KCNC4: variants seen among roughly 807,000 people sequenced by gnomAD.
KCNC4 encodes potassium voltage-gated channel subfamily C member 4, also known as voltage-gated potassium channel KCNC4.
KCNC4 carries 23 observed loss-of-function variants against 42.8 expected under a neutral mutation model. The observed-to-expected ratio is 0.54, with a 90% CI of 0.39 to 0.76. The LOEUF (loss-of-function observed/expected upper bound fraction) is 0.76, where lower values mean the gene tolerates loss of function less well. KCNC4 is among the 30% of genes least tolerant of loss of function. The pLI is 0.00. For synonymous variants in KCNC4, 422 were observed against 393.5 expected, an observed-to-expected ratio of 1.07 and a Z score of -0.86; for missense variants, 751 against 898.2, an observed-to-expected ratio of 0.84 and a Z score of 2.10.
At chr1:110,271,330 AG>A (rs1659631309) in intron 1 of KCNC4, among the ~76,000 whole-genome samples, 1 of 152,190 alleles carries the variant, frequency 6.6e-6, no homozygotes, top group Non-Finnish European at 1.5e-5. Flanking sequence ...CTCTTTATAC[AG>A]GGGAGAGATC....
chr1:110,215,883 C>CGAG (rs1399039532), intron 1 of KCNC4, among the ~76,000 whole-genome samples: 1 of 152,226 alleles, frequency 6.6e-6, no homozygotes, highest in Admixed American at 6.5e-5. Flanking sequence ...TGTGCTCCTC[C>CGAG]TATGGCCTCT....
chr1:110,276,264 T>TA (rs1214541481), intron 1 of KCNC4, among the ~76,000 whole-genome samples: 22 of 104,716 alleles, frequency 2.1e-4, no homozygotes, highest in African/African-American at 7.3e-4. Context: ...TATATCCATG[T>TA]AAAAAAAGCT....
intron 1 of KCNC4, among the ~76,000 whole-genome samples, chr1:110,257,441 T>C (rs939339909): frequency 6.8e-6 from 1 of 146,386 alleles, no homozygotes; most frequent in Non-Finnish European, 1.5e-5. Flanking sequence ...AGGGACCGGG[T>C]GCGGTGGCTC....
intron 1 of KCNC4, among the ~76,000 whole-genome samples, chr1:110,264,856 C>T (rs759212056): frequency 2.6e-5 from 4 of 152,178 alleles, no homozygotes; most frequent in East Asian, 3.9e-4. Context: ...CCAAGACAGG[C>T]GGATGGCTTA....
At chr1:110,263,827 G>C (rs115590316) in intron 1 of KCNC4, among the ~76,000 whole-genome samples, 6 of 151,828 alleles carry the variant, frequency 4.0e-5, no homozygotes, top group South Asian at 2.1e-4. Flanking sequence ...TCAGTGAGGG[G>C]GGGGAGCTGA....
exon 3 of KCNC4, chr1:110,283,050 G>A (rs561630454): frequency 6.6e-6 from 1 of 152,402 alleles, no homozygotes; most frequent in Admixed American, 6.5e-5. Flanking sequence ...GCTTCTGTGT[G>A]GGCTTTCTTG....
exon 4 of KCNC4, chr1:110,247,562 T>TTTTC (rs1557869842): frequency 2.0e-5 from 3 of 148,322 alleles, no homozygotes; most frequent in Non-Finnish European, 4.5e-5. Context: ...TTTCTTTTTT[T>TTTTC]TTTTTTTTTT....
intron 1 of KCNC4, among the ~76,000 whole-genome samples, chr1:110,268,346 G>A (rs984575179): frequency 5.9e-5 from 9 of 152,144 alleles, no homozygotes; most frequent in Admixed American, 2.0e-4. Context: ...CGTGGCTCAC[G>A]CCTGTAATCC....
At chr1:110,267,516 T>C (rs1374995356) in intron 1 of KCNC4, among the ~76,000 whole-genome samples, 3 of 152,114 alleles carry the variant, frequency 2.0e-5, no homozygotes, top group Non-Finnish European at 4.4e-5. Context: ...CACTCCTAAG[T>C]ACATTTACAA....
At chr1:110,270,699 G>A (rs997481914) in intron 1 of KCNC4, among the ~76,000 whole-genome samples, 3 of 152,338 alleles carry the variant, frequency 2.0e-5, no homozygotes, top group East Asian at 3.9e-4. Context: ...AGGGAAACAA[G>A]GCTACAAAGG....
At chr1:110,263,729 C>T (rs528989411) in intron 1 of KCNC4, among the ~76,000 whole-genome samples, 5 of 151,884 alleles carry the variant, frequency 3.3e-5, no homozygotes, top group African/African-American at 9.7e-5. Context: ...CAGTTCTTCC[C>T]GTGGGAAAGA....
At position 110,233,254 on chromosome 1, in the gene KCNC4, C is replaced by G. The variant is rs1405006196; in HGVS notation, c.*282C>G. On this transcript the variant is annotated 3_prime_UTR_variant, in exon 4 of 4. Coordinates refer to ENST00000438661, the MANE Select transcript of KCNC4 (RefSeq NM_001039574.3). ...GCACGTGCTATTGGTGGTTTGTCTTCTTTGTTAGGCTGTGTCTCCCTAAGC... is the reference window on the plus strand; with the variant it reads ...GCACGTGCTATTGGTGGTTTGTCTTGTTTGTTAGGCTGTGTCTCCCTAAGC... 5.6e-6 allele frequency: 3 copies of G among 539,080 alleles called. No individual in the cohort carries two copies. Among genetic ancestry groups the G allele is most frequent in the Non-Finnish European group, 9.9e-6 (3 of 302,192 alleles). The allele number at this position is 539,080 out of a possible 1,614,324, so 33.4% of individuals were successfully genotyped here.
At chr1:110,222,704 G>A (rs1658165072) in intron 1 of KCNC4, 1 of 487,362 alleles carries the variant, frequency 2.1e-6, no homozygotes, top group Non-Finnish European at 3.7e-6. Context: ...TCTAGCAGCT[G>A]TAGATACCTG....
rs1359069917 is a variant in KCNC4, at chr1:110,256,310, C to T, written n.31-26224C>T. ...TATTAAGGGTGGAACCAGAAGAGCA[C>T]CCAGATCTCTCCAGTCCCTAGATTC... On this transcript the variant is annotated intron_variant and non_coding_transcript_variant, in intron 1 of 2. Transcript: ENST00000412512. Among the ~76,000 whole-genome samples, 9 of 152,180 alleles carry T rather than the reference C, an allele frequency of 5.9e-5. No individual in the cohort carries two copies. The East Asian group carries it at 1.5e-3, about 26-fold the overall frequency.
At chr1:110,217,574 G>C (rs1348444324) in intron 1 of KCNC4, among the ~76,000 whole-genome samples, 1 of 152,144 alleles carries the variant, frequency 6.6e-6, no homozygotes, top group Non-Finnish European at 1.5e-5. Flanking sequence ...TAGTGATCCG[G>C]GCTAGACTGA....
intron 1 of KCNC4, among the ~76,000 whole-genome samples, chr1:110,281,954 C>T (rs1659836164): frequency 6.6e-6 from 1 of 152,234 alleles, no homozygotes; most frequent in Non-Finnish European, 1.5e-5. Context: ...CCTTCCCAGG[C>T]TGCGCTGGCA....
Position 110,211,961 on chromosome 1 carries a change from C to G in KCNC4, c.462C>G (p.Ala154=). The G allele has an allele frequency of 6.2e-7, 1 of 1,611,220 alleles. No homozygotes were observed. The highest frequency in any genetic ancestry group is 8.5e-7 in the Non-Finnish European group (1 of 1,179,704). ...CWMTYRQHRD[A]EEALDIFESP... ...TGACCTACCGGCAGCACCGCGACGC[C>G]GAGGAGGCGCTCGACATCTTCGAGA... The change falls in exon 1 of 4, where the codon GCC becomes GCG. Residue 154 remains alanine, a synonymous_variant. Coordinates refer to ENST00000438661, the MANE Select transcript of KCNC4 (RefSeq NM_001039574.3). The surrounding 1 kb of genome is among the most constrained non-coding windows in gnomAD (Gnocchi z 6.5).
chr1:110,220,302 G>C (rs1173046290), intron 1 of KCNC4: 2 of 152,308 alleles, frequency 1.3e-5, no homozygotes, highest in Non-Finnish European at 2.9e-5. Flanking sequence ...TGAATGGACA[G>C]ACAGGAATCC....
Position 110,210,394 on chromosome 1 carries a change from C to T in KCNC4, c.-1106C>T, listed in dbSNP as rs903987456. Among the ~76,000 whole-genome samples the T allele has an allele frequency of 3.3e-5, 5 of 151,800 alleles. No homozygotes were observed. The highest frequency in any genetic ancestry group is 3.9e-4 in the East Asian group (2 of 5,156). On this transcript the variant is annotated 5_prime_UTR_variant, in exon 1 of 4. Transcript: ENST00000438661. ...CCCAGCCCACCGGCGCCGAGGCGCC[C>T]CCTCCCCTATGCCACCTCGCGCCCG...
Sources: allele counts gnomAD v4.1 joint callset (sites outside exome capture counted in the v4.1 genomes callset), GRCh38; gene constraint gnomAD v4.1.1; non-coding constraint Gnocchi (gnomAD v3.1); transcripts MANE v1.5; gene names NCBI Gene and HGNC (gene_info 2026-07-23, HGNC 2026-07-21).